Variants in DYNLRB1 observed in about 807,000 individuals in gnomAD.
DYNLRB1 encodes dynein light chain roadblock-type 1, also known as ROBL/LC7-like 1.
In DYNLRB1, 6 loss-of-function variants were observed where a neutral mutation model predicts 13.5. That is an observed-to-expected ratio of 0.44 (90% confidence interval 0.24 to 0.88). The LOEUF (loss-of-function observed/expected upper bound fraction) is 0.88. Among genes scored for constraint, DYNLRB1 ranks in the 40% least tolerant of loss-of-function variants. DYNLRB1 has a pLI of 0.21. For missense variants in DYNLRB1, 93 were observed against 127.2 expected (o/e 0.73, Z 1.29); for synonymous variants, 43 against 45.0 (o/e 0.96, Z 0.18).
At chr20:34,527,418 TA>T (rs1300759599) in intron 2 of DYNLRB1, among the ~76,000 whole-genome samples, 5 of 152,254 alleles carry the variant, frequency 3.3e-5, no homozygotes, top group African/African-American at 1.2e-4. Flanking sequence ...ATGAACAGCG[TA>T]AAGCATTTAG....
intron 3 of DYNLRB1, chr20:34,535,654 G>T: frequency 1.0e-6 from 1 of 985,336 alleles, no homozygotes; most frequent in Non-Finnish European, 1.2e-6. Context: ...ATAGTTGAGT[G>T]TGCGTGCGTC....
chr20:34,540,756 G>T lies in DYNLRB1; in HGVS notation c.*132G>T. The stretch of plus-strand genomic sequence containing the variant: ...CACACCAATCCAGTGACCGTGTGTG[G>T]GCTGGCGGCTCTTCTCCCCCACCAA... On this transcript the variant is annotated 3_prime_UTR_variant, in exon 4 of 4. Transcript: ENST00000357156. The T allele has an allele frequency of 1.1e-6, 1 of 899,504 alleles. No homozygotes were observed. Among genetic ancestry groups the T allele is most frequent in the Non-Finnish European group, 1.7e-6 (1 of 589,736 alleles). 55.7% of individuals were successfully genotyped at this position (899,504 alleles called of 1,614,324 possible). A position where few individuals can be genotyped will look rare whatever the true frequency, so the allele number is the denominator to read the frequency against.
At chr20:34,534,926 T>G (rs765663268) in intron 3 of DYNLRB1, 131 bp downstream of exon 3, 2 of 1,530,886 alleles carry the variant, frequency 1.3e-6, no homozygotes, top group Admixed American at 4.1e-5. Flanking sequence ...GGAATTGGGT[T>G]GTTGCCTCAC....
At chr20:34,532,880 C>A (rs536759195) in intron 2 of DYNLRB1, among the ~76,000 whole-genome samples, 1 of 152,206 alleles carries the variant, frequency 6.6e-6, no homozygotes, top group Non-Finnish European at 1.5e-5. Context: ...CTCAGCCAGT[C>A]GGCCTGATAA....
intron 1 of DYNLRB1, among the ~76,000 whole-genome samples, chr20:34,521,238 C>T (rs144776000): frequency 2.0e-5 from 3 of 152,282 alleles, no homozygotes; most frequent in South Asian, 2.1e-4. Context: ...TCTCAAACTC[C>T]TGACCTCAAG....
At chr20:34,534,516 T>C in intron 2 of DYNLRB1, 112 bp from the exon 3 acceptor site, 1 of 1,320,832 alleles carries the variant, frequency 7.6e-7, no homozygotes, top group Non-Finnish European at 1.0e-6. Context: ...CCTCTGCGGA[T>C]GGTGGCATTG....
intron 3 of DYNLRB1, chr20:34,535,723 G>A (rs1981092798): frequency 4.1e-6 from 4 of 985,280 alleles, no homozygotes; most frequent in Admixed American, 6.1e-5. Context: ...GCATCAGGAT[G>A]TGAGTGGGGA....
At chr20:34,519,028 G>C (rs867913701) in intron 1 of DYNLRB1, among the ~76,000 whole-genome samples, 1 of 152,066 alleles carries the variant, frequency 6.6e-6, no homozygotes, top group Non-Finnish European at 1.5e-5. Flanking sequence ...GAGTAGCTGG[G>C]ACTGCAGGAG....
At chr20:34,516,297 A>G, upstream of DYNLRB1, 1 of 1,212,858 alleles carries the variant, frequency 8.2e-7, no homozygotes. Context: ...CAGATTTTCC[A>G]AGAATCCTGG....
intron 2 of DYNLRB1, 44 bp downstream of exon 2, chr20:34,526,387 G>T: frequency 6.3e-7 from 1 of 1,599,854 alleles, no homozygotes; most frequent in South Asian, 1.1e-5. Flanking sequence ...GGCAGGCCCA[G>T]AAGCAGCCAT....
chr20:34,526,550 C>T, intron 2 of DYNLRB1: 5 of 516,026 alleles, frequency 9.7e-6, no homozygotes, highest in Non-Finnish European at 1.6e-5. Context: ...GGAGAAGGGA[C>T]AAAGAAATCG....
rs572192624 is a variant in DYNLRB1, at chr20:34,524,872, C to T, written c.4-1396C>T. The stretch of plus-strand genomic sequence containing the variant: ...CCCAGTAGCTGGGACTACAGGCGCC[C>T]GCCACTACGCCCGGCTAATTTTTTT... On this transcript the variant is annotated intron_variant, in intron 1 of 3. Transcript: ENST00000357156. Among the ~76,000 whole-genome samples, 7 of 152,214 alleles carry T rather than the reference C, an allele frequency of 4.6e-5. No individual in the cohort carries two copies. The East Asian group carries it at 1.2e-3, about 25-fold the overall frequency.
In DYNLRB1 at chr20:34,534,641, G is replaced by C; in HGVS notation, c.93G>C (p.Lys31Asn). The part of the protein sequence containing the change: ...IVVNTEGIPI[K>N]STMDNPTTTQ... ...CTCTCCCCTCAGGCATTCCCATCAA[G>C]AGCACCATGGACAACCCCACCACCA... Residue 31 changes from lysine (K) to asparagine (N), a missense_variant, in exon 3 of 4, where the codon AAG (lysine) becomes AAC (asparagine). By Grantham distance (94) the Lys-to-Asn change is moderately conservative. Coordinates refer to ENST00000357156, the MANE Select transcript of DYNLRB1 (RefSeq NM_014183.4). The C allele has an allele frequency of 6.4e-7, 1 of 1,568,090 alleles. No individual in the cohort carries two copies. Among genetic ancestry groups the C allele is most frequent in the Non-Finnish European group, 8.6e-7 (1 of 1,156,646 alleles).
chr20:34,520,115 C>T (rs1979591350), intron 1 of DYNLRB1, among the ~76,000 whole-genome samples: 1 of 152,136 alleles, frequency 6.6e-6, no homozygotes, highest in African/African-American at 2.4e-5. Flanking sequence ...GGCAACAGAG[C>T]AAGACTCTGT....
At chr20:34,538,263 C>T (rs566138677) in intron 3 of DYNLRB1, among the ~76,000 whole-genome samples, 2 of 151,714 alleles carry the variant, frequency 1.3e-5, no homozygotes, top group African/African-American at 2.4e-5. Context: ...CCACCATGCC[C>T]GGCCAAGACA....
At chr20:34,531,292 C>T (rs1206597260) in intron 2 of DYNLRB1, 1 of 152,146 alleles carries the variant, frequency 6.6e-6, no homozygotes, top group African/African-American at 2.4e-5. Flanking sequence ...TAGATCAGAG[C>T]CCCAAGTTAG....
chr20:34,516,567 G>A, intron 1 of DYNLRB1, 106 bp downstream of exon 1: 5 of 1,564,552 alleles, frequency 3.2e-6, no homozygotes, highest in African/African-American at 1.4e-5. Flanking sequence ...CAGGGAATCG[G>A]TGGTGGCTGG....
At chr20:34,526,533 C>T in intron 2 of DYNLRB1, 190 bp downstream of exon 2, 1 of 539,658 alleles carries the variant, frequency 1.9e-6, no homozygotes, top group South Asian at 2.4e-5. Context: ...GGTGAAGCAG[C>T]GGGAGTGGAG....
chr20:34,522,469 C>CTTTT (rs771811577), intron 1 of DYNLRB1, among the ~76,000 whole-genome samples: 1,696 of 77,150 alleles, frequency 0.022, 126 homozygotes, highest in Middle Eastern at 0.05. Context: ...TTTTCTTTTT[C>CTTTT]TTTTTTTTTT....
Sources: allele counts gnomAD v4.1 joint callset (sites outside exome capture counted in the v4.1 genomes callset), GRCh38; gene constraint gnomAD v4.1.1; transcripts MANE v1.5; gene names NCBI Gene and HGNC (gene_info 2026-07-23, HGNC 2026-07-21).